IRAK1BP1: variants seen among roughly 807,000 people sequenced by gnomAD.
The protein encoded by IRAK1BP1 is interleukin 1 receptor associated kinase 1 binding protein 1.
Under a neutral mutation model 28.0 loss-of-function variants are expected in IRAK1BP1, and 24 were observed. That is an observed-to-expected ratio of 0.86 (90% confidence interval 0.62 to 1.20). IRAK1BP1 has a LOEUF of 1.20. IRAK1BP1 is among the 50% of genes most tolerant of loss of function. The pLI is 0.00. For missense variants in IRAK1BP1, 336 were observed against 316.7 expected (o/e 1.06, Z -0.46); for synonymous variants, 131 against 116.3 (o/e 1.13, Z -0.81).
chr6:78,958,958 A>C, the IRAK1BP1 span, among the ~76,000 whole-genome samples: 1 of 152,058 alleles, frequency 6.6e-6, no homozygotes, highest in Non-Finnish European at 1.5e-5. Flanking sequence ...TTTTTTGGTA[A>C]TAAAGAACCC....
intron 4 of IRAK1BP1, among the ~76,000 whole-genome samples, chr6:78,911,404 T>G (rs1039294363): frequency 6.6e-6 from 1 of 152,144 alleles, no homozygotes; most frequent in African/African-American, 2.4e-5. Flanking sequence ...GATCCTTCTC[T>G]CCTGCTCCAG....
At chr6:78,870,931 G>T (rs1367112694) in intron 1 of IRAK1BP1, among the ~76,000 whole-genome samples, 1 of 151,824 alleles carries the variant, frequency 6.6e-6, no homozygotes, top group Non-Finnish European at 1.5e-5. Flanking sequence ...GGCTGGTCTC[G>T]AACTCCTGAC....
chr6:78,911,326 C>T (rs1441001382), intron 4 of IRAK1BP1, among the ~76,000 whole-genome samples: 1 of 152,120 alleles, frequency 6.6e-6, no homozygotes, highest in Non-Finnish European at 1.5e-5. Flanking sequence ...GTCAAAGGGA[C>T]CGAGGTCAAC....
chr6:78,913,167 C>G (rs748394667), intron 4 of IRAK1BP1, among the ~76,000 whole-genome samples: 3 of 151,398 alleles, frequency 2.0e-5, no homozygotes, highest in Admixed American at 2.0e-4. Context: ...AACCCCATCT[C>G]TACTAAAAAT....
chr6:78,923,446 T>C (rs188452663), intron 4 of IRAK1BP1, among the ~76,000 whole-genome samples: 3 of 152,246 alleles, frequency 2.0e-5, no homozygotes, highest in Admixed American at 2.0e-4. Flanking sequence ...ACAAAGAGAC[T>C]TTGACTCCCA....
chr6:78,978,479 A>C, the IRAK1BP1 span: 29 of 698,844 alleles, frequency 4.1e-5, no homozygotes, highest in African/African-American at 4.6e-4. Flanking sequence ...AAATATCTAG[A>C]ATGAGATACT....
chr6:78,925,986 G>T (rs1313178007), intron 4 of IRAK1BP1, among the ~76,000 whole-genome samples: 1 of 151,974 alleles, frequency 6.6e-6, no homozygotes, highest in Non-Finnish European at 1.5e-5. Flanking sequence ...AATAAGCACT[G>T]ATTAAACATG....
chr6:78,939,365 A>G (rs1171479363), intron 4 of IRAK1BP1: 2 of 151,820 alleles, frequency 1.3e-5, no homozygotes, highest in Non-Finnish European at 3.0e-5. Context: ...GATACCGTAA[A>G]AAGTGCAGAA....
the IRAK1BP1 span, among the ~76,000 whole-genome samples, chr6:78,965,361 C>A: frequency 6.6e-6 from 1 of 152,146 alleles, no homozygotes; most frequent in South Asian, 2.1e-4. Context: ...AAAGCATGAC[C>A]TCTTAACTAT....
At chr6:78,869,262 G>C (rs898612706) in intron 1 of IRAK1BP1, among the ~76,000 whole-genome samples, 11 of 152,236 alleles carry the variant, frequency 7.2e-5, no homozygotes, top group African/African-American at 2.4e-4. Flanking sequence ...GCTCATGCCT[G>C]TAATGCCAAC....
the IRAK1BP1 span, chr6:78,955,208 C>A: frequency 6.5e-7 from 1 of 1,532,020 alleles, no homozygotes; most frequent in South Asian, 1.2e-5. Flanking sequence ...TAAAGTACTT[C>A]TGCTAAAACT....
chr6:78,883,860 G>T (rs556396263), intron 1 of IRAK1BP1, among the ~76,000 whole-genome samples: 1 of 152,046 alleles, frequency 6.6e-6, no homozygotes, highest in South Asian at 2.1e-4. Context: ...GTGTGTATCC[G>T]TACTGTATGT....
chr6:78,930,760 T>G (rs1431451408), intron 4 of IRAK1BP1, among the ~76,000 whole-genome samples: 1 of 151,740 alleles, frequency 6.6e-6, no homozygotes, highest in African/African-American at 2.4e-5. Context: ...GGTGAAACCT[T>G]GTCTCTACTG....
chr6:78,924,128 G>C (rs1424280012), intron 4 of IRAK1BP1, among the ~76,000 whole-genome samples: 2 of 152,144 alleles, frequency 1.3e-5, no homozygotes, highest in Admixed American at 6.5e-5. Flanking sequence ...ATGAATCCAG[G>C]AGTTGGTTTT....
chr6:78,945,551 G>A (rs1471356681), exon 5 of IRAK1BP1: 9 of 1,096,580 alleles, frequency 8.2e-6, no homozygotes, highest in Admixed American at 6.0e-5. Context: ...CTAAAGATAA[G>A]AAAAAAGGTT....
intron 4 of IRAK1BP1, among the ~76,000 whole-genome samples, chr6:78,908,479 G>C (rs1321355731): frequency 6.6e-6 from 1 of 152,022 alleles, no homozygotes; most frequent in Non-Finnish European, 1.5e-5. Context: ...CTCTTGAGTA[G>C]CTAAGACTCA....
chr6:78,869,377 G>T (rs578047158), intron 1 of IRAK1BP1, among the ~76,000 whole-genome samples: 2 of 152,056 alleles, frequency 1.3e-5, no homozygotes, highest in Non-Finnish European at 2.9e-5. Flanking sequence ...AAAATTAGGT[G>T]GGCATGGTGG....
At chr6:78,964,831 A>C in the IRAK1BP1 span, among the ~76,000 whole-genome samples, 1 of 152,250 alleles carries the variant, frequency 6.6e-6, no homozygotes, top group Non-Finnish European at 1.5e-5. Flanking sequence ...ATATAGAATA[A>C]CGTAAAAGAA....
At chr6:78,952,765 C>T in the IRAK1BP1 span, among the ~76,000 whole-genome samples, 5 of 152,088 alleles carry the variant, frequency 3.3e-5, no homozygotes, top group South Asian at 1.0e-3. Flanking sequence ...TCACTCTTTT[C>T]CTCTCAAATA....
Sources: allele counts gnomAD v4.1 joint callset (sites outside exome capture counted in the v4.1 genomes callset), GRCh38; gene constraint gnomAD v4.1.1; transcripts MANE v1.5; gene names NCBI Gene and HGNC (gene_info 2026-07-23, HGNC 2026-07-21).